TRIM35: variants seen among roughly 807,000 people sequenced by gnomAD.
The protein encoded by TRIM35 is E3 ubiquitin-protein ligase TRIM35.
In TRIM35, 37 loss-of-function variants were observed where a neutral mutation model predicts 49.1. That is an observed-to-expected ratio of 0.75 (90% CI 0.58 to 0.99). TRIM35 has a LOEUF of 0.99. Ranked by LOEUF, TRIM35 falls within the 50% of genes least tolerant of loss-of-function variation. The pLI, the probability that TRIM35 is intolerant of heterozygous loss-of-function variation, is 0.00. For synonymous variants in TRIM35, 302 were observed against 289.3 expected (o/e 1.04, Z -0.45); for missense variants, 648 against 702.7 (o/e 0.92, Z 0.88).
intron 2 of TRIM35, among the ~76,000 whole-genome samples, chr8:27,295,643 AATTT>A (rs1328957297): frequency 6.6e-6 from 1 of 152,212 alleles, no homozygotes; most frequent in Non-Finnish European, 1.5e-5. Flanking sequence ...TGTCTCATGT[AATTT>A]ATTGAATACT....
chr8:27,291,836 C>T (rs1403931331), intron 3 of TRIM35, among the ~76,000 whole-genome samples: 1 of 152,178 alleles, frequency 6.6e-6, no homozygotes, highest in East Asian at 1.9e-4. Context: ...AGAGACTACA[C>T]ATAAGACCAA....
At chr8:27,292,606 A>G (rs1460786609) in intron 3 of TRIM35, among the ~76,000 whole-genome samples, 1 of 152,208 alleles carries the variant, frequency 6.6e-6, no homozygotes, top group Admixed American at 6.5e-5. Context: ...ATCCATATAG[A>G]TAGTATGTAG....
chr8:27,301,725 C>T (rs1802686397), intron 1 of TRIM35, among the ~76,000 whole-genome samples: 1 of 152,052 alleles, frequency 6.6e-6, no homozygotes, highest in Admixed American at 6.5e-5. Flanking sequence ...TTTTAAGAAA[C>T]ACCTCCCTAC....
intron 3 of TRIM35, among the ~76,000 whole-genome samples, chr8:27,291,058 C>CAAAAAAA: frequency 2.0e-5 from 1 of 50,624 alleles, no homozygotes; most frequent in Non-Finnish European, 4.5e-5. Flanking sequence ...TGTTGACATG[C>CAAAAAAA]AAAAAAAAAA....
At chr8:27,308,785 T>C (rs1237527598) in intron 1 of TRIM35, among the ~76,000 whole-genome samples, 1 of 152,172 alleles carries the variant, frequency 6.6e-6, no homozygotes, top group East Asian at 1.9e-4. Context: ...CCTGACATCA[T>C]CCTGAGTGTC....
At position 27,286,054 on chromosome 8, in the gene TRIM35, T is replaced by C. The variant is rs993134940; in HGVS notation, c.*1496A>G. ...TGTGAGTCATGATTTGTTTAAAATGTCAGCTTTTGTGAACTGAAGGGGATG... is the reference window on the plus strand; with the variant it reads ...TGTGAGTCATGATTTGTTTAAAATGCCAGCTTTTGTGAACTGAAGGGGATG... On this transcript the variant is annotated 3_prime_UTR_variant, in exon 6 of 6. Transcript: ENST00000305364. 1 of 455,320 alleles carries C rather than the reference T, an allele frequency of 2.2e-6. No individual in the cohort carries two copies. Among genetic ancestry groups the C allele is most frequent in the Admixed American group, 2.4e-5 (1 of 42,390 alleles). 28.2% of individuals were successfully genotyped at this position (455,320 alleles called of 1,614,324 possible).
rs577124602 is a variant in TRIM35, at chr8:27,287,828, T to C, written c.1204A>G (p.Thr402Ala). 3 of 1,612,156 alleles carry C rather than the reference T, an allele frequency of 1.9e-6. No homozygotes were observed. The highest frequency in any genetic ancestry group is 2.2e-5 in the South Asian group (2 of 90,866). Residue 402 changes from threonine to alanine, a missense_variant, in exon 6 of 6, where the codon ACG (threonine) becomes GCG (alanine). Transcript: ENST00000305364. The surrounding 1 kb of genome is among the most constrained non-coding windows in gnomAD (Gnocchi z 6.0). Reference sequence around the variant, plus strand: ...CAGTGGTCCCCCTCCACGCCCTGCGTGCGGCAGACATACCAGAAGCCCGAG... The same window carrying C: ...CAGTGGTCCCCCTCCACGCCCTGCGCGCGGCAGACATACCAGAAGCCCGAG... ...TRSGFWYVCR[T>A]QGVEGDHCVT...
rs1802331759 is a variant in TRIM35, at chr8:27,286,807, C to A, written c.*743G>T. On this transcript the variant is annotated 3_prime_UTR_variant, in exon 6 of 6. Transcript: ENST00000305364. ...TCCCCCAATCCCTAGAGATGGCAAGCATCTGGCTGAAAGCATGCCTTTCCT... is the reference window on the plus strand; with the variant it reads ...TCCCCCAATCCCTAGAGATGGCAAGAATCTGGCTGAAAGCATGCCTTTCCT... 6.6e-6 allele frequency: 1 copy of A among 152,584 alleles called. No individual in the cohort carries two copies. Among genetic ancestry groups the A allele is most frequent in the Admixed American group, 6.5e-5 (1 of 15,300 alleles). 9.5% of individuals were successfully genotyped at this position (152,584 alleles called of 1,614,324 possible). A position where few individuals can be genotyped will look rare whatever the true frequency, so the allele number is the denominator to read the frequency against.
intron 2 of TRIM35, among the ~76,000 whole-genome samples, chr8:27,297,625 T>C (rs1341540296): frequency 6.6e-6 from 1 of 152,206 alleles, no homozygotes; most frequent in Non-Finnish European, 1.5e-5. Flanking sequence ...AAACAAAAGG[T>C]AATTACAGGT....
At chr8:27,308,505 C>G (rs1225583213) in intron 1 of TRIM35, among the ~76,000 whole-genome samples, 2 of 152,192 alleles carry the variant, frequency 1.3e-5, no homozygotes, top group African/African-American at 4.8e-5. Flanking sequence ...AGCTTCTTAC[C>G]CAGTCCCTTC....
In TRIM35 at chr8:27,284,915, G is replaced by A. The variant is rs1270502036; in HGVS notation, c.*2635C>T. The A allele has an allele frequency of 6.6e-6, 1 of 152,078 alleles. No homozygotes were observed. The highest frequency in any genetic ancestry group is 1.5e-5 in the Non-Finnish European group (1 of 68,014). 9.4% of individuals were successfully genotyped at this position (152,078 alleles called of 1,614,324 possible). On this transcript the variant is annotated 3_prime_UTR_variant, in exon 6 of 6. Coordinates refer to ENST00000305364, the MANE Select transcript of TRIM35 (RefSeq NM_171982.5). ...AATTAAAAGCTTTAGTATTTCAAAG[G>A]ACATCATCAAGGAAATGAAACAGCT...
intron 1 of TRIM35, among the ~76,000 whole-genome samples, chr8:27,307,785 T>C (rs1802817229): frequency 6.6e-6 from 1 of 152,200 alleles, no homozygotes; most frequent in African/African-American, 2.4e-5. Context: ...TTTCTTACCC[T>C]CTCTATGATT....
chr8:27,296,185 C>CCAGGATA (rs1392874644), intron 2 of TRIM35, among the ~76,000 whole-genome samples: 33 of 145,456 alleles, frequency 2.3e-4, no homozygotes, highest in Admixed American at 5.6e-4. Flanking sequence ...CATTTAAGTT[C>CCAGGATA]CAGGATACAT....
In TRIM35 at chr8:27,294,069, G is replaced by A. The variant is rs761692106; in HGVS notation, c.762+11C>T. The A allele has an allele frequency of 1.9e-6, 3 of 1,612,988 alleles. No homozygotes were observed. Among genetic ancestry groups the A allele is most frequent in the South Asian group, 1.1e-5 (1 of 90,988 alleles). ...GGCCCTGTCACTGAATCCAGACGCT[G>A]AGCTCCTTACCATGAGAAAAGAAAC... On this transcript the variant is annotated intron_variant, in intron 3 of 5. Coordinates refer to ENST00000305364, the MANE Select transcript of TRIM35 (RefSeq NM_171982.5).
At chr8:27,292,438 T>C (rs1463870658) in intron 3 of TRIM35, among the ~76,000 whole-genome samples, 2 of 152,256 alleles carry the variant, frequency 1.3e-5, no homozygotes, top group African/African-American at 4.8e-5. Flanking sequence ...TGATTATATA[T>C]CTATGCCATG....
intron 2 of TRIM35, 81 bp downstream of exon 2, chr8:27,298,383 C>A: frequency 2.1e-6 from 3 of 1,400,996 alleles, no homozygotes; most frequent in Non-Finnish European, 3.0e-6. Context: ...TGAGCCAAAG[C>A]CACGGCTGAC....
At position 27,287,932 on chromosome 8, in the gene TRIM35, C is replaced by G; in HGVS notation, c.1100G>C (p.Ser367Thr). 2 of 1,613,090 alleles carry G rather than the reference C, an allele frequency of 1.2e-6. No individual in the cohort carries two copies. Among genetic ancestry groups the G allele is most frequent in the Non-Finnish European group, 1.7e-6 (2 of 1,179,856 alleles). Residue 367 changes from serine (S) to threonine (T), a missense_variant, in exon 6 of 6, where the codon AGC becomes ACC. Ser to Thr is a moderately conservative substitution (Grantham distance 58). Coordinates refer to ENST00000305364, the MANE Select transcript of TRIM35 (RefSeq NM_171982.5). The surrounding 1 kb of genome is among the most constrained non-coding windows in gnomAD (Gnocchi z 6.0). ...CACACGTACCACGCCCACCCTCCAGCTCTGCAGCCCCCCAAGGGCCACCTC... is the reference window on the plus strand; with the variant it reads ...CACACGTACCACGCCCACCCTCCAGGTCTGCAGCCCCCCAAGGGCCACCTC... ...AWEVALGGLQ[S>T]WRVGVVRVRQ... is the part of the protein sequence containing the mutation.
chr8:27,307,445 C>CGGGA (rs1802810361), intron 1 of TRIM35, among the ~76,000 whole-genome samples: 2 of 152,192 alleles, frequency 1.3e-5, no homozygotes, highest in African/African-American at 4.8e-5. Flanking sequence ...AGAGCAGCCT[C>CGGGA]CCCCTTACAA....
intron 1 of TRIM35, among the ~76,000 whole-genome samples, chr8:27,309,166 C>T (rs927565404): frequency 6.6e-6 from 1 of 152,174 alleles, no homozygotes; most frequent in Non-Finnish European, 1.5e-5. Flanking sequence ...GGGGGCTCTG[C>T]CTGGGTGTTC....
Sources: allele counts gnomAD v4.1 joint callset (sites outside exome capture counted in the v4.1 genomes callset), GRCh38; gene constraint gnomAD v4.1.1; non-coding constraint Gnocchi (gnomAD v3.1); transcripts MANE v1.5; gene names NCBI Gene and HGNC (gene_info 2026-07-23, HGNC 2026-07-21).